CLMP: variants seen among roughly 807,000 people sequenced by gnomAD.
CLMP encodes the protein CXADR like cell adhesion molecule, also known as CXADR-like membrane protein.
In CLMP, 27 loss-of-function variants were observed where a neutral mutation model predicts 45.2. The ratio of observed to expected loss-of-function variants is 0.60; its 90% CI spans 0.44 to 0.82. The LOEUF is 0.82. Ranked by LOEUF, CLMP falls within the 40% of genes least tolerant of loss-of-function variation. CLMP has a pLI of 0.00. For synonymous variants in CLMP, 167 were observed against 171.4 expected, an observed-to-expected ratio of 0.97 and a Z score of 0.20; for missense variants, 403 against 448.4, an observed-to-expected ratio of 0.90 and a Z score of 0.91.
At chr11:123,087,611 A>G (rs944817356) in intron 2 of CLMP, among the ~76,000 whole-genome samples, 20 of 152,024 alleles carry the variant, frequency 1.3e-4, no homozygotes, top group African/African-American at 4.6e-4. Context: ...TCACGAGGTC[A>G]AGAGATCGAG....
At chr11:123,080,968 C>T (rs1865797454) in intron 5 of CLMP, among the ~76,000 whole-genome samples, 1 of 151,984 alleles carries the variant, frequency 6.6e-6, no homozygotes, top group South Asian at 2.1e-4. Context: ...CATAGTGAAA[C>T]CCCGTCTCTA....
chr11:123,135,293 AT>A (rs71281628), intron 1 of CLMP, among the ~76,000 whole-genome samples: 38,900 of 147,538 alleles, frequency 0.26, 5,925 homozygotes, highest in African/African-American at 0.41. Flanking sequence ...AAATTGTCAA[AT>A]ATCTTTGCAG....
At chr11:123,152,857 T>C (rs1329738023) in intron 1 of CLMP, among the ~76,000 whole-genome samples, 1 of 152,162 alleles carries the variant, frequency 6.6e-6, no homozygotes. Context: ...TTCCCATTTA[T>C]ATCATATATG....
chr11:123,132,249 C>T (rs1282141720), intron 1 of CLMP, among the ~76,000 whole-genome samples: 7 of 152,084 alleles, frequency 4.6e-5, no homozygotes, highest in African/African-American at 9.7e-5. Context: ...CCAGGGCACA[C>T]GGCCGGTGAG....
chr11:123,103,633 G>C (rs982737633), intron 1 of CLMP, among the ~76,000 whole-genome samples: 1 of 152,102 alleles, frequency 6.6e-6, no homozygotes, highest in African/African-American at 2.4e-5. Context: ...ACTTCAGTTC[G>C]TTAGACTCCA....
chr11:123,113,106 A>G (rs1860666176), intron 1 of CLMP, among the ~76,000 whole-genome samples: 1 of 152,204 alleles, frequency 6.6e-6, no homozygotes. Flanking sequence ...ATATCATAAC[A>G]TATTCAAGGA....
At chr11:123,111,466 A>T (rs1287657565) in intron 1 of CLMP, among the ~76,000 whole-genome samples, 6 of 152,202 alleles carry the variant, frequency 3.9e-5, no homozygotes, top group Admixed American at 3.9e-4. Context: ...ACTTTTCAAG[A>T]TTGTTGAAGG....
At chr11:123,182,525 T>G (rs1861783047) in intron 1 of CLMP, among the ~76,000 whole-genome samples, 1 of 152,204 alleles carries the variant, frequency 6.6e-6, no homozygotes, top group Non-Finnish European at 1.5e-5. Context: ...AATACCTCTT[T>G]GGTGGCCTAA....
chr11:123,132,267 C>T (rs1196094154), intron 1 of CLMP, among the ~76,000 whole-genome samples: 3 of 152,144 alleles, frequency 2.0e-5, no homozygotes, highest in African/African-American at 7.2e-5. Context: ...GAGTGGGCAG[C>T]TGCCCTATTA....
chr11:123,162,577 C>G (rs1189513567), intron 1 of CLMP, among the ~76,000 whole-genome samples: 1 of 151,686 alleles, frequency 6.6e-6, no homozygotes, highest in African/African-American at 2.4e-5. Context: ...GATGAAGGAG[C>G]TTATAGTCCA....
chr11:123,175,002 G>A (rs1430820786), intron 1 of CLMP, among the ~76,000 whole-genome samples: 1 of 152,198 alleles, frequency 6.6e-6, no homozygotes, highest in Non-Finnish European at 1.5e-5. Context: ...CACGCCAGCT[G>A]GAGTATGGTG....
At chr11:123,125,751 G>A (rs544270750) in intron 1 of CLMP, among the ~76,000 whole-genome samples, 16 of 151,558 alleles carry the variant, frequency 1.1e-4, no homozygotes, top group Non-Finnish European at 1.9e-4. Flanking sequence ...TTACAGGCAT[G>A]TGCCACCACG....
intron 2 of CLMP, among the ~76,000 whole-genome samples, chr11:123,094,406 C>G (rs769855931): frequency 3.3e-5 from 5 of 151,870 alleles, no homozygotes; most frequent in Non-Finnish European, 7.4e-5. Context: ...TGTGCCCGCC[C>G]GGCCCAGCCC....
At position 123,073,515 on chromosome 11, in the gene CLMP, T is replaced by C; in HGVS notation, c.1081A>G (p.Ser361Gly). The change falls in exon 7 of 7, where the codon AGC (serine) becomes GGC (glycine). Residue 361 changes from serine to glycine, a missense_variant. Coordinates refer to ENST00000448775, the MANE Select transcript of CLMP (RefSeq NM_024769.5). ...ANLTKAETTP[S>G]MIPSQSRAFQ... is the part of the protein sequence containing the mutation. ...GCTCTGCTCTGGCTGGGGATCATGC[T>C]GGGTGTGGTTTCTGCTTTGGTCAGA... 6.2e-7 allele frequency: 1 copy of C among 1,614,160 alleles called. No homozygotes were observed. The highest frequency in any genetic ancestry group is 8.5e-7 in the Non-Finnish European group (1 of 1,180,010).
intron 1 of CLMP, among the ~76,000 whole-genome samples, chr11:123,104,764 G>A (rs2135485879): frequency 6.6e-6 from 1 of 152,276 alleles, no homozygotes; most frequent in South Asian, 2.1e-4. Context: ...GAGAGGAAAG[G>A]GGCAGTCTGA....
chr11:123,081,191 A>T (rs1183936260), intron 5 of CLMP, among the ~76,000 whole-genome samples: 1 of 152,086 alleles, frequency 6.6e-6, no homozygotes, highest in Non-Finnish European at 1.5e-5. Flanking sequence ...CAACAAAAAA[A>T]AACAGGGTGG....
intron 1 of CLMP, among the ~76,000 whole-genome samples, chr11:123,149,401 A>G (rs775164307): frequency 1.3e-5 from 2 of 152,146 alleles, no homozygotes; most frequent in African/African-American, 2.4e-5. Context: ...AAATCCAGGG[A>G]TTTCTGGCTT....
Position 123,073,568 on chromosome 11 carries a change from G to A in CLMP, c.1028C>T (p.Ser343Phe), listed in dbSNP as rs1865698827. 3 of 1,614,102 alleles carry A rather than the reference G, an allele frequency of 1.9e-6. No homozygotes were observed. The African/African-American group carries it at 4.0e-5, about 22-fold the overall frequency. ...YSLVGPEVRG[S>F]EPKKVHHANL... ...AGCATGGTGGACTTTCTTTGGTTCA[G>A]AACCTCTCACCTCTGGCCCCACTAG... is the stretch of plus-strand genomic sequence containing the variant. Residue 343 changes from serine to phenylalanine, a missense_variant, in exon 7 of 7, where the codon TCT becomes TTT. Coordinates refer to ENST00000448775, the MANE Select transcript of CLMP (RefSeq NM_024769.5).
intron 2 of CLMP, among the ~76,000 whole-genome samples, chr11:123,091,450 A>C (rs1184512101): frequency 6.6e-6 from 1 of 152,122 alleles, no homozygotes; most frequent in Admixed American, 6.6e-5. Flanking sequence ...TGGTCTGAAG[A>C]GCTGCTTAGA....
Sources: allele counts gnomAD v4.1 joint callset (sites outside exome capture counted in the v4.1 genomes callset), GRCh38; gene constraint gnomAD v4.1.1; transcripts MANE v1.5; gene names NCBI Gene and HGNC (gene_info 2026-07-23, HGNC 2026-07-21).